The following TMEM164 variants were observed in gnomAD, a reference collection of about 807,000 sequenced individuals.
TMEM164 encodes transmembrane protein 164.
TMEM164 carries 4 observed loss-of-function variants against 18.8 expected under a neutral mutation model. The observed-to-expected ratio is 0.21, with a 90% confidence interval of 0.10 to 0.49. TMEM164 has a LOEUF of 0.49. Among genes scored for constraint, TMEM164 ranks in the 20% least tolerant of loss-of-function variants. TMEM164 has a pLI of 0.98. For missense variants in TMEM164, 108 were observed against 239.9 expected (o/e 0.45, Z 3.63); for synonymous variants, 86 against 101.7 (o/e 0.85, Z 0.93).
chrX:110,144,890 A>G lies in TMEM164; in HGVS notation c.586+14A>G. On this transcript the variant is annotated intron_variant, in intron 5 of 6. Coordinates refer to ENST00000372068, the MANE Select transcript of TMEM164 (RefSeq NM_032227.4). The stretch of plus-strand genomic sequence containing the variant: ...TTTGGAAAGGAGGTAAGGCCAGCAA[A>G]CCACATTCCTATGTAACCCCCACAC... 3 of 1,176,682 alleles carry G rather than the reference A, an allele frequency of 2.5e-6. No individual in the cohort carries two copies. Among genetic ancestry groups the G allele is most frequent in the Non-Finnish European group, 3.5e-6 (3 of 866,926 alleles).
At chrX:110,131,787 C>T (rs1397934641) in intron 4 of TMEM164, among the ~76,000 whole-genome samples, 1 of 112,036 alleles carries the variant, frequency 8.9e-6, no homozygotes. Flanking sequence ...ATAATGTGTT[C>T]AGGACTGGAC....
In TMEM164 at chrX:110,159,423, G is replaced by T. The variant is rs184107346; in HGVS notation, c.587-11997G>T. The stretch of plus-strand genomic sequence containing the variant: ...AAAGCTGAACTGTCGGGAGGTTGTG[G>T]TCAGATGATCCCAGCAGAGGCGGGG... On this transcript the variant is annotated intron_variant, in intron 5 of 6. Coordinates refer to ENST00000372068, the MANE Select transcript of TMEM164 (RefSeq NM_032227.4). Among the ~76,000 whole-genome samples, 478 of 111,054 alleles carry T rather than the reference G, an allele frequency of 4.3e-3. 1 individual carries two copies. The highest frequency in any genetic ancestry group is 0.014 in the African/African-American group (437 of 30,461).
At chrX:110,071,151 ATATTTATTTATTTATT>A (rs59713249) in intron 3 of TMEM164, among the ~76,000 whole-genome samples, 1 of 96,821 alleles carries the variant, frequency 1.0e-5, no homozygotes, top group Non-Finnish European at 2.1e-5. Context: ...AGATTTTTAA[ATATTTATTTATTTATT>A]TATTTATTTA....
intron 4 of TMEM164, among the ~76,000 whole-genome samples, chrX:110,116,708 G>T (rs1001453193): frequency 9.0e-6 from 1 of 111,476 alleles, no homozygotes; most frequent in African/African-American, 3.3e-5. Context: ...ATGTGTGGAT[G>T]GGACTTTGGA....
intron 5 of TMEM164, among the ~76,000 whole-genome samples, chrX:110,168,124 A>G (rs889543859): frequency 8.9e-6 from 1 of 112,414 alleles, no homozygotes; most frequent in African/African-American, 3.2e-5. Flanking sequence ...GGACAACAGG[A>G]CTGGGGGCTC....
chrX:110,057,548 CTTTTTT>C (rs199733800), intron 2 of TMEM164, among the ~76,000 whole-genome samples: 1 of 80,573 alleles, frequency 1.2e-5, no homozygotes, highest in African/African-American at 4.5e-5. Flanking sequence ...TAGAATAGGT[CTTTTTT>C]TTTTTTTTTT....
intron 2 of TMEM164, among the ~76,000 whole-genome samples, chrX:110,015,126 C>G (rs1339576958): frequency 8.9e-6 from 1 of 112,095 alleles, no homozygotes; most frequent in South Asian, 3.7e-4. Flanking sequence ...GGGGCCTAAG[C>G]CACCAATCAC....
chrX:110,080,211 A>G (rs745455105), intron 3 of TMEM164, among the ~76,000 whole-genome samples: 4 of 111,728 alleles, frequency 3.6e-5, no homozygotes, highest in South Asian at 3.7e-4. Flanking sequence ...TCCTGTTCAG[A>G]CATGTTAGAA....
chrX:110,137,651 C>G (rs1411659850), intron 4 of TMEM164, among the ~76,000 whole-genome samples: 2 of 111,755 alleles, frequency 1.8e-5, no homozygotes, highest in Non-Finnish European at 3.8e-5. Context: ...AATACATGAT[C>G]TACAGGGCCT....
chrX:110,090,608 C>T (rs900050675), intron 3 of TMEM164, among the ~76,000 whole-genome samples: 6 of 111,834 alleles, frequency 5.4e-5, no homozygotes, highest in African/African-American at 1.6e-4. Flanking sequence ...AGCCACTGCA[C>T]CTGGCCTGGA....
chrX:110,098,443 T>C (rs2066054518), intron 3 of TMEM164, among the ~76,000 whole-genome samples: 1 of 111,343 alleles, frequency 9.0e-6, no homozygotes, highest in African/African-American at 3.3e-5. Flanking sequence ...TATTGAGTTG[T>C]AGGGTGAGTA....
At chrX:110,025,361 T>G (rs773596684) in intron 2 of TMEM164, among the ~76,000 whole-genome samples, 1 of 111,624 alleles carries the variant, frequency 9.0e-6, no homozygotes, top group African/African-American at 3.3e-5. Context: ...GGCTCAGGTA[T>G]CAGGGCAGCT....
chrX:110,022,983 A>G (rs1481899667), intron 2 of TMEM164, among the ~76,000 whole-genome samples: 1 of 112,528 alleles, frequency 8.9e-6, no homozygotes, highest in African/African-American at 3.2e-5. Flanking sequence ...GGGCTGGTGT[A>G]TATGGCCTTA....
At chrX:110,045,663 T>A (rs921083473) in intron 2 of TMEM164, among the ~76,000 whole-genome samples, 1 of 111,973 alleles carries the variant, frequency 8.9e-6, no homozygotes, top group African/African-American at 3.3e-5. Context: ...CTGGGCCTTT[T>A]GTATTCCTCT....
intron 4 of TMEM164, among the ~76,000 whole-genome samples, chrX:110,121,802 C>A (rs997218154): frequency 8.9e-5 from 10 of 112,202 alleles, no homozygotes; most frequent in Non-Finnish European, 1.9e-4. Flanking sequence ...ATATGTCCAC[C>A]AGCAATGTAT....
intron 4 of TMEM164, among the ~76,000 whole-genome samples, chrX:110,117,721 A>T (rs2066390994): frequency 8.9e-6 from 1 of 112,485 alleles, no homozygotes. Flanking sequence ...AACTCAGAGG[A>T]CTATAAAGAA....
At chrX:110,132,144 C>G (rs1602680481) in intron 4 of TMEM164, among the ~76,000 whole-genome samples, 1 of 112,261 alleles carries the variant, frequency 8.9e-6, no homozygotes, top group Non-Finnish European at 1.9e-5. Context: ...AATTATTTCA[C>G]TGAAACCCTA....
At position 110,176,547 on chromosome X, in the gene TMEM164, A is replaced by G; in HGVS notation, c.*3096A>G. 1 of 314,927 alleles carries G rather than the reference A, an allele frequency of 3.2e-6. No homozygotes were observed. The highest frequency in any genetic ancestry group is 4.2e-6 in the Non-Finnish European group (1 of 238,056). The allele number at this position is 314,927 out of a possible 1,213,427, so 26.0% of individuals were successfully genotyped here. A position where few individuals can be genotyped will look rare whatever the true frequency, so the allele number is the denominator to read the frequency against. On this transcript the variant is annotated 3_prime_UTR_variant, in exon 7 of 7. Coordinates refer to ENST00000372068, the MANE Select transcript of TMEM164 (RefSeq NM_032227.4). ...TGATCGGCGAACTTTACCGTACAGT[A>G]CCTCAGTCTAGCTGTCAGATCACCC...
chrX:110,179,612 C>T (rs1470279288), downstream of TMEM164, among the ~76,000 whole-genome samples: 2 of 112,257 alleles, frequency 1.8e-5, no homozygotes, highest in African/African-American at 6.5e-5. Context: ...CTAAGGCCTC[C>T]ACTCAAAGGT....
Sources: allele counts gnomAD v4.1 joint callset (sites outside exome capture counted in the v4.1 genomes callset), GRCh38; gene constraint gnomAD v4.1.1; transcripts MANE v1.5; gene names NCBI Gene and HGNC (gene_info 2026-07-23, HGNC 2026-07-21).